The following EGF variants were observed in gnomAD, a reference collection of about 807,000 sequenced individuals.
EGF encodes epidermal growth factor, also known as pro-epidermal growth factor.
EGF carries 95 observed loss-of-function variants against 143.8 expected under a neutral mutation model. The ratio of observed to expected loss-of-function variants is 0.66; its 90% CI spans 0.56 to 0.78. EGF has a LOEUF of 0.78. EGF is among the 30% of genes least tolerant of loss of function. The pLI, the probability that EGF is intolerant of heterozygous loss-of-function variation, is 0.00. For synonymous variants in EGF, 510 were observed against 510.5 expected (o/e 1.00, Z 0.01); for missense variants, 1,320 against 1,470.9 (o/e 0.90, Z 1.68).
rs537226223 is a variant in EGF, at chr4:110,012,720, T to C, written c.*1265T>C. Among the ~76,000 whole-genome samples, 1 of 152,292 alleles carries C rather than the reference T, an allele frequency of 6.6e-6. No individual in the cohort carries two copies. Among genetic ancestry groups the C allele is most frequent in the African/African-American group, 2.4e-5 (1 of 41,554 alleles). On this transcript the variant is annotated 3_prime_UTR_variant, in exon 24 of 24. Transcript: ENST00000265171. ...GCCATGGTGCCCAGCCTTGTAACTT[T>C]TAAAAAAATTTTTTAATCTACAACT...
At chr4:109,943,756 G>T in intron 3 of EGF, 86 bp from the exon 4 acceptor site, 2 of 1,158,840 alleles carry the variant, frequency 1.7e-6, no homozygotes, top group South Asian at 2.5e-5. Context: ...CTTGCCCTGT[G>T]AAGGAGCTGC....
rs574646787 is a variant in EGF at position 109,980,015 on chromosome 4, C to T, written c.2097C>T (p.Phe699=). The T allele has an allele frequency of 4.3e-6, 7 of 1,614,102 alleles. No homozygotes were observed. The African/African-American group carries it at 9.3e-5, about 22-fold the overall frequency. ...CAGTGTTTGAGGATTATGTGTGGTT[C>T]TCAGATTGGGCTATGCCATCAGTAA... ...AVAVFEDYVW[F]SDWAMPSVMR... Residue 699 remains phenylalanine (F), a synonymous_variant, in exon 14 of 24, where the codon TTC becomes TTT. Coordinates refer to ENST00000265171, the MANE Select transcript of EGF (RefSeq NM_001963.6).
At chr4:109,965,957 A>C (rs1483782178) in intron 10 of EGF, among the ~76,000 whole-genome samples, 1 of 152,006 alleles carries the variant, frequency 6.6e-6, no homozygotes, top group Non-Finnish European at 1.5e-5. Flanking sequence ...ATTGATTGTA[A>C]GTTTATGTAC....
chr4:109,994,031 GTTTTTT>G (rs369137893), intron 19 of EGF, among the ~76,000 whole-genome samples: 6 of 140,822 alleles, frequency 4.3e-5, no homozygotes, highest in African/African-American at 1.5e-4. Flanking sequence ...CTTGGTCTCT[GTTTTTT>G]TTTTTTTAGC....
At chr4:109,918,763 G>C (rs374165625) in intron 1 of EGF, among the ~76,000 whole-genome samples, 1 of 152,196 alleles carries the variant, frequency 6.6e-6, no homozygotes. Flanking sequence ...TTGCTGTTGG[G>C]AGGGTTGGGG....
chr4:109,920,970 C>T lies in EGF; in HGVS notation c.127+7508C>T, dbSNP rs1029756362. Among the ~76,000 whole-genome samples the T allele has an allele frequency of 2.2e-4, 33 of 151,608 alleles. 2 individuals are homozygous for T. The highest frequency in any genetic ancestry group is 7.3e-4 in the African/African-American group (30 of 40,898). On this transcript the variant is annotated intron_variant, in intron 1 of 23. Coordinates refer to ENST00000265171, the MANE Select transcript of EGF (RefSeq NM_001963.6). The stretch of plus-strand genomic sequence containing the variant: ...CCCAGATGTCCTGTTTGCTGGGGCT[C>T]ATGACAAGATGACTGAGAGTCAGGT...
rs186297633 is a variant in EGF at position 109,914,066 on chromosome 4, A to G, written c.127+604A>G. Among the ~76,000 whole-genome samples the G allele has an allele frequency of 1.1e-3, 168 of 152,328 alleles. 1 individual carries two copies. Among genetic ancestry groups the G allele is most frequent in the Non-Finnish European group, 2.0e-3 (139 of 68,022 alleles). ...ATTGCAACTTTAAGAACTGCCAAAT[A>G]TGATAATGGGTAAATAAGCCACACT... is the stretch of plus-strand genomic sequence containing the variant. On this transcript the variant is annotated intron_variant, in intron 1 of 23. Coordinates refer to ENST00000265171, the MANE Select transcript of EGF (RefSeq NM_001963.6).
At chr4:109,940,874 A>T in intron 1 of EGF, 72 bp from the exon 2 acceptor site, 1 of 1,423,844 alleles carries the variant, frequency 7.0e-7, no homozygotes, top group Non-Finnish European at 9.9e-7. Context: ...GTTGGTTGTC[A>T]TTGGGAAGTA....
At chr4:109,999,563 C>A in intron 20 of EGF, 116 bp from the exon 21 acceptor site, 1 of 1,347,218 alleles carries the variant, frequency 7.4e-7, no homozygotes, top group South Asian at 1.2e-5. Context: ...CTATATGTTT[C>A]TAAAGAGCTG....
Position 110,012,428 on chromosome 4 carries a change from C to A in EGF, c.*973C>A, listed in dbSNP as rs1754076260. 6.6e-6 allele frequency among the ~76,000 whole-genome samples: 1 copy of A among 150,920 alleles called. No homozygotes were observed. The highest frequency in any genetic ancestry group is 1.5e-5 in the Non-Finnish European group (1 of 67,892). On this transcript the variant is annotated 3_prime_UTR_variant, in exon 24 of 24. Coordinates refer to ENST00000265171, the MANE Select transcript of EGF (RefSeq NM_001963.6). ...ACTCTGTTATCCAGGCTGGAGTGTG[C>A]AATGGCACAATCATAGCTCAGTGCA...
intron 1 of EGF, among the ~76,000 whole-genome samples, chr4:109,924,439 T>C (rs1738298030): frequency 6.6e-6 from 1 of 151,688 alleles, no homozygotes; most frequent in African/African-American, 2.4e-5. Context: ...TGAAATTTCC[T>C]TTTATATAAA....
At chr4:109,951,201 T>G (rs1743858359) in intron 5 of EGF, among the ~76,000 whole-genome samples, 1 of 148,182 alleles carries the variant, frequency 6.7e-6, no homozygotes, top group African/African-American at 2.5e-5. Context: ...TAAAATAAAA[T>G]GCAAAAATTA....
chr4:109,971,906 A>G (rs902155874), intron 11 of EGF, among the ~76,000 whole-genome samples: 2 of 152,192 alleles, frequency 1.3e-5, no homozygotes, highest in Non-Finnish European at 1.5e-5. Flanking sequence ...AGCACATTGA[A>G]AATTCCAATG....
intron 1 of EGF, chr4:109,940,725 A>G: frequency 1.9e-6 from 1 of 526,582 alleles, no homozygotes; most frequent in Non-Finnish European, 3.4e-6. Context: ...ATAATTTACC[A>G]ATGTTCATGT....
rs1396334354 is a variant in EGF at position 109,988,677 on chromosome 4, A to G, written c.2702A>G (p.Glu901Gly). The G allele has an allele frequency of 6.2e-7, 1 of 1,614,020 alleles. No homozygotes were observed. Among genetic ancestry groups the G allele is most frequent in the South Asian group, 1.1e-5 (1 of 91,082 alleles). ...TEGGYVCRCSEGYQGDGIHCL... is the reference protein window; with the variant it reads ...TEGGYVCRCSGGYQGDGIHCL... The stretch of plus-strand genomic sequence containing the variant: ...GGTGGTTATGTCTGCCGGTGCTCAG[A>G]AGGCTACCAAGGAGATGGGATTCAC... Residue 901 changes from glutamate (E) to glycine (G), a missense_variant, in exon 18 of 24, where the codon GAA (glutamate) becomes GGA (glycine). This residue lies in a region of EGF where 1,186 missense variants were observed against 1,313.7 expected (regional missense o/e 0.90). Transcript: ENST00000265171.
chr4:109,950,636 T>TTAC (rs1483427021), intron 5 of EGF, among the ~76,000 whole-genome samples: 1 of 152,296 alleles, frequency 6.6e-6, no homozygotes, highest in East Asian at 1.9e-4. Flanking sequence ...CTTGTTTATA[T>TTAC]TACATTCTCT....
intron 1 of EGF, among the ~76,000 whole-genome samples, chr4:109,924,061 A>C (rs1738240580): frequency 6.6e-6 from 1 of 151,762 alleles, no homozygotes; most frequent in African/African-American, 2.4e-5. Context: ...TGCCACAAAA[A>C]AGAAAGTTAT....
At position 110,013,556 on chromosome 4, in the gene EGF, C is replaced by A. The variant is rs1754162986; in HGVS notation, c.*2101C>A. On this transcript the variant is annotated 3_prime_UTR_variant, in exon 24 of 24. Transcript: ENST00000265171. The stretch of plus-strand genomic sequence containing the variant: ...CATCTTTATCAGTAATGTCCTCTTT[C>A]CTTTAAAAATTCAAGTTTTAAGAAC... Among the ~76,000 whole-genome samples the A allele has an allele frequency of 6.6e-6, 1 of 152,056 alleles. No homozygotes were observed.
At chr4:109,972,510 C>A (rs1747821599) in intron 11 of EGF, among the ~76,000 whole-genome samples, 1 of 152,070 alleles carries the variant, frequency 6.6e-6, no homozygotes, top group Non-Finnish European at 1.5e-5. Flanking sequence ...AAGCAAGTGG[C>A]CTCAGAATTT....
Sources: gnomAD v4.1 joint callset for allele counts (sites outside exome capture counted in the v4.1 genomes callset) on GRCh38, gnomAD v4.1.1 for gene constraint, gnomAD v4.1.1 regional missense constraint, MANE v1.5 for transcripts, NCBI Gene and HGNC (gene_info 2026-07-23, HGNC 2026-07-21) for gene names.